Variants in DFFB observed in about 807,000 individuals in gnomAD.
The protein encoded by DFFB is DNA fragmentation factor 40 kDa subunit.
In DFFB, 29 loss-of-function variants were observed where a neutral mutation model predicts 32.7. The ratio of observed to expected loss-of-function variants is 0.89; its 90% CI spans 0.66 to 1.21. The LOEUF (loss-of-function observed/expected upper bound fraction) is 1.21, where lower values mean the gene tolerates loss of function less well. Ranked by LOEUF, DFFB falls within the 50% of genes most tolerant of loss-of-function variation. DFFB has a pLI of 0.00. For missense variants in DFFB, 398 were observed against 440.6 expected, an observed-to-expected ratio of 0.90 and a Z score of 0.87; for synonymous variants, 170 against 177.1, an observed-to-expected ratio of 0.96 and a Z score of 0.32.
chr1:3,860,619 A>G (rs1415301304), intron 2 of DFFB: 1 of 238,602 alleles, frequency 4.2e-6, no homozygotes, highest in African/African-American at 2.3e-5. Context: ...CTCAAAGGCA[A>G]CATCAGATAC....
intron 5 of DFFB, among the ~76,000 whole-genome samples, 155 bp downstream of exon 5, chr1:3,869,930 G>A (rs1036958657): frequency 3.3e-5 from 5 of 152,234 alleles, no homozygotes; most frequent in African/African-American, 1.2e-4. Context: ...GGGCGGCAGT[G>A]TCTCAGCCAG....
chr1:3,883,285 G>C (rs544506618), intron 6 of DFFB, among the ~76,000 whole-genome samples: 1 of 152,222 alleles, frequency 6.6e-6, no homozygotes, highest in Admixed American at 6.5e-5. Flanking sequence ...GATGACAGGC[G>C]TGAGCCGCCG....
intron 2 of DFFB, among the ~76,000 whole-genome samples, chr1:3,861,708 G>A (rs972127652): frequency 2.6e-5 from 4 of 152,224 alleles, no homozygotes; most frequent in African/African-American, 9.6e-5. Context: ...GATTACAGGC[G>A]TGAGCCACCG....
intron 6 of DFFB, among the ~76,000 whole-genome samples, chr1:3,875,811 C>T (rs1645210955): frequency 6.6e-6 from 1 of 152,210 alleles, no homozygotes; most frequent in South Asian, 2.1e-4. Flanking sequence ...GAGTCTCACT[C>T]TGTCGCCCAG....
chr1:3,870,073 T>C (rs1412672673), intron 5 of DFFB, among the ~76,000 whole-genome samples: 2 of 152,238 alleles, frequency 1.3e-5, no homozygotes, highest in Admixed American at 1.3e-4. Flanking sequence ...AGATGACCCC[T>C]GCTGGGGAGG....
chr1:3,858,631 C>G, intron 1 of DFFB, 87 bp from the exon 2 acceptor site: 1 of 1,507,874 alleles, frequency 6.6e-7, no homozygotes, highest in East Asian at 2.3e-5. Flanking sequence ...TTAAGCACAG[C>G]TCATTCCGGT....
intron 6 of DFFB, among the ~76,000 whole-genome samples, chr1:3,874,302 G>A (rs34080723): frequency 0.056 from 6,204 of 111,482 alleles, 327 homozygotes; most frequent in African/African-American, 0.062. Context: ...TTTACCACAC[G>A]CGTGTGGGTT....
chr1:3,866,578 C>T (rs1644985058), intron 3 of DFFB, among the ~76,000 whole-genome samples: 1 of 152,130 alleles, frequency 6.6e-6, no homozygotes, highest in East Asian at 1.9e-4. Context: ...GTACATATGA[C>T]ATAAAATTTA....
At chr1:3,859,436 G>T (rs1477227556) in intron 2 of DFFB, among the ~76,000 whole-genome samples, 2 of 152,190 alleles carry the variant, frequency 1.3e-5, no homozygotes, top group Non-Finnish European at 2.9e-5. Context: ...TCCCGTAAAA[G>T]AGAGCTTTTG....
At chr1:3,874,096 GT>G (rs1186349117) in intron 6 of DFFB, among the ~76,000 whole-genome samples, 2 of 152,146 alleles carry the variant, frequency 1.3e-5, no homozygotes, top group Non-Finnish European at 2.9e-5. Context: ...TACATACATG[GT>G]GGCCCACGCT....
At chr1:3,863,602 A>G (rs1644919000) in intron 2 of DFFB, among the ~76,000 whole-genome samples, 1 of 152,200 alleles carries the variant, frequency 6.6e-6, no homozygotes, top group South Asian at 2.1e-4. Context: ...AAAGGTAGAA[A>G]CCACCTAAGT....
In DFFB at chr1:3,858,862, T is replaced by C. The variant is rs1294399924; in HGVS notation, c.241+18T>C. 6.2e-7 allele frequency: 1 copy of C among 1,611,822 alleles called. No homozygotes were observed. The highest frequency in any genetic ancestry group is 8.5e-7 in the Non-Finnish European group (1 of 1,179,790). On this transcript the variant is annotated intron_variant, in intron 2 of 6. Transcript: ENST00000378209. ...GCAGGGCTGTGAGTGGCAAGGACTT[T>C]GGAGGTGGGCGGGAAGCTGGCACTC...
Position 3,869,705 on chromosome 1 carries a change from G to A in DFFB, c.611G>A (p.Gly204Asp), listed in dbSNP as rs1645072869. The A allele has an allele frequency of 6.2e-7, 1 of 1,612,814 alleles. No homozygotes were observed. The highest frequency in any genetic ancestry group is 2.2e-5 in the East Asian group (1 of 44,858). ...AGGCTCCGGTCCATGCAGTACAATG[G>A]CAGCTACTTCGACAGAGGAGCCAAG... ...CQRLRSMQYN[G>D]SYFDRGAKGG... is the part of the protein sequence containing the mutation. The change falls in exon 5 of 7, where the codon GGC becomes GAC. Residue 204 changes from glycine (G) to aspartate (D), a missense_variant. Gly to Asp is a moderately conservative substitution (Grantham distance 94). Coordinates refer to ENST00000378209, the MANE Select transcript of DFFB (RefSeq NM_004402.4).
Position 3,883,534 on chromosome 1 carries a change from T to C in DFFB, c.810T>C (p.Pro270=). 1 of 1,614,210 alleles carries C rather than the reference T, an allele frequency of 6.2e-7. No homozygotes were observed. Among genetic ancestry groups the C allele is most frequent in the South Asian group, 1.1e-5 (1 of 91,088 alleles). The part of the protein sequence containing the change: ...HIIEKKRTII[P]TLVEAIKEQD... ...TAGAAAAGAAACGCACCATCATTCC[T>C]ACACTGGTGGAAGCAATTAAGGAAC... The change falls in exon 7 of 7, where the codon CCT becomes CCC. Residue 270 remains proline (P), a synonymous_variant. Coordinates refer to ENST00000378209, the MANE Select transcript of DFFB (RefSeq NM_004402.4).
In DFFB at chr1:3,884,743, G is replaced by GT. The variant is rs1421346755; in HGVS notation, c.*1003dup. The GT allele has an allele frequency of 6.6e-6, 1 of 152,062 alleles. No homozygotes were observed. The highest frequency in any genetic ancestry group is 1.5e-5 in the Non-Finnish European group (1 of 68,022). 9.4% of individuals were successfully genotyped at this position (152,062 alleles called of 1,614,324 possible). Reference sequence around the variant, plus strand: ...CTACCACCAGGGCCAGCTAATTTTTGTATGTTTAGTAGAAACGGGGTTTCA... The same window carrying GT: ...CTACCACCAGGGCCAGCTAATTTTTGTTATGTTTAGTAGAAACGGGGTTTCA... On this transcript the variant is annotated 3_prime_UTR_variant, in exon 7 of 7. Coordinates refer to ENST00000378209, the MANE Select transcript of DFFB (RefSeq NM_004402.4).
chr1:3,877,077 T>G (rs1001310059), intron 6 of DFFB, among the ~76,000 whole-genome samples: 1 of 152,128 alleles, frequency 6.6e-6, no homozygotes, highest in African/African-American at 2.4e-5. Context: ...TTTAACACCA[T>G]AGCGGGGTCC....
At chr1:3,874,747 G>A (rs951840204) in intron 6 of DFFB, among the ~76,000 whole-genome samples, 10 of 149,898 alleles carry the variant, frequency 6.7e-5, no homozygotes, top group African/African-American at 9.8e-5. Flanking sequence ...CTGCAGAGCC[G>A]TGTAGCCGCA....
intron 6 of DFFB, among the ~76,000 whole-genome samples, chr1:3,877,328 G>GTGTTTTTT (rs1645243421): frequency 8.8e-6 from 1 of 113,894 alleles, no homozygotes; most frequent in African/African-American, 3.6e-5. Flanking sequence ...TGGGAGTTCA[G>GTGTTTTTT]TTTTTTTTTT....
intron 3 of DFFB, among the ~76,000 whole-genome samples, chr1:3,867,105 C>A (rs539773888): frequency 6.6e-6 from 1 of 152,160 alleles, no homozygotes; most frequent in South Asian, 2.1e-4. Context: ...ACTGTGTTAG[C>A]CAGGACGGTC....
Sources: gnomAD v4.1 joint callset for allele counts (sites outside exome capture counted in the v4.1 genomes callset) on GRCh38, gnomAD v4.1.1 for gene constraint, MANE v1.5 for transcripts, NCBI Gene and HGNC (gene_info 2026-07-23, HGNC 2026-07-21) for gene names.